The following ECT2 variants were observed in gnomAD, a reference collection of about 807,000 sequenced individuals.
The protein encoded by ECT2 is protein ECT2.
Under a neutral mutation model 116.9 loss-of-function variants are expected in ECT2, and 61 were observed. The observed-to-expected ratio is 0.52, with a 90% CI of 0.42 to 0.65. ECT2 has a LOEUF of 0.65. Ranked by LOEUF, ECT2 falls within the 30% of genes least tolerant of loss-of-function variation. ECT2 has a pLI of 0.00. For synonymous variants in ECT2, 358 were observed against 346.4 expected, an observed-to-expected ratio of 1.03 and a Z score of -0.37; for missense variants, 937 against 1,078.7, an observed-to-expected ratio of 0.87 and a Z score of 1.84.
At chr3:172,814,528 C>T (rs577649154) in intron 22 of ECT2, among the ~76,000 whole-genome samples, 1 of 152,218 alleles carries the variant, frequency 6.6e-6, no homozygotes, top group Admixed American at 6.5e-5. Context: ...TAGGACTATA[C>T]AAAATCATTT....
Position 172,772,020 on chromosome 3 carries a change from G to A in ECT2, c.1429-1883G>A, listed in dbSNP as rs113904160. ...TTCTTTCTTTAAAATTTTTGAGATAGGGTCTCACTCTGTTGCCCAGGCTGG... is the reference window on the plus strand; with the variant it reads ...TTCTTTCTTTAAAATTTTTGAGATAAGGTCTCACTCTGTTGCCCAGGCTGG... On this transcript the variant is annotated intron_variant, in intron 13 of 24. Coordinates refer to ENST00000392692, the MANE Select transcript of ECT2 (RefSeq NM_001258315.2). 8.3e-3 allele frequency among the ~76,000 whole-genome samples: 1,259 copies of A among 152,152 alleles called. 15 individuals are homozygous for A. The highest frequency in any genetic ancestry group is 0.045 in the South Asian group (218 of 4,818).
chr3:172,757,312 C>A, intron 5 of ECT2, 147 bp downstream of exon 5: 1 of 558,340 alleles, frequency 1.8e-6, no homozygotes, highest in Non-Finnish European at 2.9e-6. Context: ...CTAATGTGGT[C>A]CTTTAATTCC....
intron 2 of ECT2, among the ~76,000 whole-genome samples, 161 bp downstream of exon 2, chr3:172,754,821 G>A (rs1046484493): frequency 6.6e-6 from 1 of 152,098 alleles, no homozygotes; most frequent in African/African-American, 2.4e-5. Flanking sequence ...TCATTTTTCT[G>A]ATTATTATTT....
At chr3:172,805,605 T>C in intron 20 of ECT2, 126 bp from the exon 21 acceptor site, 1 of 955,812 alleles carries the variant, frequency 1.0e-6, no homozygotes, top group Non-Finnish European at 1.5e-6. Context: ...TTATAACAAC[T>C]TTGTAACGAA....
intron 22 of ECT2, among the ~76,000 whole-genome samples, chr3:172,809,693 T>C (rs1560021319): frequency 6.6e-6 from 1 of 152,224 alleles, no homozygotes; most frequent in East Asian, 1.9e-4. Flanking sequence ...ATATATAATT[T>C]TTTGGTACCC....
chr3:172,793,144 G>A (rs1433008136), intron 18 of ECT2, among the ~76,000 whole-genome samples: 1 of 152,056 alleles, frequency 6.6e-6, no homozygotes, highest in African/African-American at 2.4e-5. Flanking sequence ...TATGGTCAGT[G>A]ATTTCATTTT....
intron 24 of ECT2, chr3:172,818,817 G>T: frequency 8.5e-7 from 1 of 1,177,034 alleles, no homozygotes; most frequent in Non-Finnish European, 1.1e-6. Flanking sequence ...AGTTTAATGT[G>T]AGCTTATTAG....
chr3:172,799,223 C>T (rs1560003891), intron 18 of ECT2, among the ~76,000 whole-genome samples: 1 of 152,150 alleles, frequency 6.6e-6, no homozygotes, highest in Non-Finnish European at 1.5e-5. Context: ...AAAATGGGAA[C>T]TGTACTGTTT....
At chr3:172,804,891 ATT>A (rs75486809) in intron 20 of ECT2, among the ~76,000 whole-genome samples, 6 of 150,750 alleles carry the variant, frequency 4.0e-5, no homozygotes, top group African/African-American at 1.5e-4. Context: ...GAATCTATTG[ATT>A]TTTTTTTTGT....
intron 11 of ECT2, 138 bp downstream of exon 11, chr3:172,763,110 C>T: frequency 1.2e-6 from 1 of 843,508 alleles, no homozygotes; most frequent in Non-Finnish European, 1.9e-6. Context: ...TTATCTTAGT[C>T]TATGTAGATT....
rs1249205852 is a variant in ECT2 at position 172,762,535 on chromosome 3, C to G, written c.878C>G (p.Thr293Ser). ...DEEKTNMEEM[T>S]EMQGGKYLPL... ...GAGAAAACCAATATGGAAGAAATGA[C>G]TGAAATGCAAGGTAAAATTTAGCAT... The change falls in exon 9 of 25, where the codon ACT (threonine) becomes AGT (serine). Residue 293 changes from threonine (T) to serine (S), a missense_variant. Thr to Ser is a moderately conservative substitution (Grantham distance 58). Coordinates refer to ENST00000392692, the MANE Select transcript of ECT2 (RefSeq NM_001258315.2). 1.9e-6 allele frequency: 3 copies of G among 1,591,178 alleles called. No individual in the cohort carries two copies. The highest frequency in any genetic ancestry group is 2.3e-5 in the South Asian group (2 of 87,266).
chr3:172,794,627 A>G (rs940955883), intron 18 of ECT2, among the ~76,000 whole-genome samples: 2 of 152,116 alleles, frequency 1.3e-5, no homozygotes, highest in African/African-American at 4.8e-5. Context: ...TTTCCAAACA[A>G]CAACAACAAC....
At chr3:172,770,128 G>T (rs1342637275) in intron 13 of ECT2, among the ~76,000 whole-genome samples, 1 of 151,972 alleles carries the variant, frequency 6.6e-6, no homozygotes, top group South Asian at 2.1e-4. Context: ...GAGGTTCTTT[G>T]CTGTATTAGC....
At chr3:172,775,977 A>G (rs1459228643) in intron 14 of ECT2, among the ~76,000 whole-genome samples, 3 of 152,124 alleles carry the variant, frequency 2.0e-5, no homozygotes, top group South Asian at 2.1e-4. Flanking sequence ...TTGTGGATCA[A>G]TTTGAATTTG....
intron 14 of ECT2, 40 bp downstream of exon 14, chr3:172,774,062 G>C: frequency 1.3e-6 from 2 of 1,580,798 alleles, no homozygotes; most frequent in Non-Finnish European, 1.7e-6. Context: ...ATTTTTTTCA[G>C]ATTGTACATA....
chr3:172,805,886 C>T lies in ECT2; in HGVS notation c.2245+17C>T. On this transcript the variant is annotated intron_variant, in intron 21 of 24. Transcript: ENST00000392692. ...AGACAGAAGGTATGCCGGTCGGATACATTCTTGGTTATATAAAAATAGTTT... is the reference window on the plus strand; with the variant it reads ...AGACAGAAGGTATGCCGGTCGGATATATTCTTGGTTATATAAAAATAGTTT... 1 of 1,606,668 alleles carries T rather than the reference C, an allele frequency of 6.2e-7. No individual in the cohort carries two copies. Among genetic ancestry groups the T allele is most frequent in the African/African-American group, 1.3e-5 (1 of 74,640 alleles).
chr3:172,776,855 AGT>A (rs1332868787), intron 14 of ECT2, among the ~76,000 whole-genome samples: 1 of 151,566 alleles, frequency 6.6e-6, no homozygotes, highest in East Asian at 1.9e-4. Flanking sequence ...AAGAATATGT[AGT>A]GGAAAAAACG....
At chr3:172,777,308 T>TA (rs1377964961) in intron 14 of ECT2, among the ~76,000 whole-genome samples, 1 of 152,214 alleles carries the variant, frequency 6.6e-6, no homozygotes, top group Non-Finnish European at 1.5e-5. Flanking sequence ...AACTTTTTTT[T>TA]ACCCATTGTG....
intron 14 of ECT2, among the ~76,000 whole-genome samples, chr3:172,776,198 C>CTTTTTTTTTTTTT (rs60558773): frequency 1.1e-4 from 12 of 111,600 alleles, no homozygotes; most frequent in African/African-American, 1.7e-4. Flanking sequence ...TCAGTTTTTT[C>CTTTTTTTTTTTTT]TTTTTTTTTT....
Sources: gnomAD v4.1 joint callset for allele counts (sites outside exome capture counted in the v4.1 genomes callset) on GRCh38, gnomAD v4.1.1 for gene constraint, MANE v1.5 for transcripts, NCBI Gene and HGNC (gene_info 2026-07-23, HGNC 2026-07-21) for gene names.